Variants in MAGI2 observed in about 807,000 individuals in gnomAD.
MAGI2 encodes the protein membrane-associated guanylate kinase, WW and PDZ domain-containing protein 2.
A neutral mutation model predicts 133.3 loss-of-function variants in MAGI2; 35 were observed. That is an observed-to-expected ratio of 0.26 (90% CI 0.20 to 0.35). The LOEUF is 0.35. Ranked by LOEUF, MAGI2 falls within the 10% of genes least tolerant of loss-of-function variation. The pLI is 1.00. For synonymous variants in MAGI2, 729 were observed against 710.6 expected (o/e 1.03, Z -0.41); for missense variants, 1,636 against 1,863.4 (o/e 0.88, Z 2.25).
intron 16 of MAGI2, among the ~76,000 whole-genome samples, chr7:78,145,786 C>T (rs1823253398): frequency 6.6e-6 from 1 of 152,178 alleles, no homozygotes; most frequent in South Asian, 2.1e-4. Context: ...AAGATGGCTA[C>T]CTCCTTGCTG....
intron 1 of MAGI2, among the ~76,000 whole-genome samples, chr7:79,376,527 C>G (rs765094397): frequency 2.6e-5 from 4 of 151,798 alleles, no homozygotes; most frequent in Non-Finnish European, 4.4e-5. Flanking sequence ...CCTAGATCAT[C>G]AAGCCATGAA....
chr7:79,047,335 G>C (rs552298113), intron 1 of MAGI2, among the ~76,000 whole-genome samples: 6 of 151,970 alleles, frequency 3.9e-5, no homozygotes, highest in African/African-American at 1.4e-4. Flanking sequence ...TATTAAATTA[G>C]AAAAATCAAA....
intron 2 of MAGI2, among the ~76,000 whole-genome samples, chr7:78,944,289 G>C (rs1225001718): frequency 6.6e-6 from 1 of 152,100 alleles, no homozygotes; most frequent in Non-Finnish European, 1.5e-5. Context: ...TGTGACATAA[G>C]TTCCATGATT....
At chr7:79,231,092 CA>C (rs1448038395) in intron 1 of MAGI2, among the ~76,000 whole-genome samples, 1 of 133,218 alleles carries the variant, frequency 7.5e-6, no homozygotes, top group African/African-American at 2.7e-5. Context: ...TGTCAAAGAT[CA>C]GATAGTTGTA....
chr7:79,022,733 T>G (rs1007851073), intron 1 of MAGI2, among the ~76,000 whole-genome samples: 2 of 149,992 alleles, frequency 1.3e-5, no homozygotes, highest in Non-Finnish European at 3.0e-5. Flanking sequence ...AGAGAAATAC[T>G]TCTATGCAAA....
chr7:78,485,293 G>A (rs939211391), intron 6 of MAGI2: 12 of 151,950 alleles, frequency 7.9e-5, no homozygotes, highest in African/African-American at 1.7e-4. Context: ...GTAGTAGGTG[G>A]AGACATTTTT....
intron 4 of MAGI2, among the ~76,000 whole-genome samples, chr7:78,516,102 G>A (rs967582168): frequency 6.6e-6 from 1 of 152,098 alleles, no homozygotes; most frequent in Admixed American, 6.5e-5. Flanking sequence ...CAGGAAATAA[G>A]AAAAATTTTT....
In MAGI2 at chr7:78,209,102, G is replaced by A. The variant is rs572111957; in HGVS notation, c.2048-7909C>T. Among the ~76,000 whole-genome samples the A allele has an allele frequency of 6.4e-5, 8 of 125,096 alleles. No homozygotes were observed. The South Asian group carries it at 1.2e-3, about 19-fold the overall frequency. 82.1% of individuals were successfully genotyped at this position (125,096 alleles called of 152,430 possible). A position where few individuals can be genotyped will look rare whatever the true frequency, so the allele number is the denominator to read the frequency against. On this transcript the variant is annotated intron_variant, in intron 10 of 21. Coordinates refer to ENST00000354212, the MANE Select transcript of MAGI2 (RefSeq NM_012301.4). ...CCGGGCGTGGTGGCGGGCGCCTGTA[G>A]TCCCAGCTACTTGGGAGGCTGAGGC... is the stretch of plus-strand genomic sequence containing the variant.
chr7:79,313,890 C>T (rs1347416957), intron 1 of MAGI2, among the ~76,000 whole-genome samples: 6 of 151,574 alleles, frequency 4.0e-5, no homozygotes, highest in Non-Finnish European at 8.8e-5. Flanking sequence ...GCAATCTCCA[C>T]CTCCTGGGTT....
intron 1 of MAGI2, among the ~76,000 whole-genome samples, chr7:79,071,296 T>A (rs1814936603): frequency 6.6e-6 from 1 of 152,186 alleles, no homozygotes; most frequent in African/African-American, 2.4e-5. Flanking sequence ...CAGCAAAGAT[T>A]GCTGGATGTT....
Position 78,279,721 on chromosome 7 carries a change from T to G in MAGI2, c.1409-23140A>C, listed in dbSNP as rs554651516. 1.8e-3 allele frequency among the ~76,000 whole-genome samples: 268 copies of G among 151,740 alleles called. 2 individuals carry two copies. Among genetic ancestry groups the G allele is most frequent in the Non-Finnish European group, 1.4e-3 (97 of 67,996 alleles). ...ATACATGTCTGTGCATGTGTGTGTG[T>G]GGTGTGTGTTGGTCCATCCAGAGTG... On this transcript the variant is annotated intron_variant, in intron 9 of 21. Coordinates refer to ENST00000354212, the MANE Select transcript of MAGI2 (RefSeq NM_012301.4).
At chr7:78,573,284 T>TTA (rs1332121524) in intron 3 of MAGI2, among the ~76,000 whole-genome samples, 10 of 26,864 alleles carry the variant, frequency 3.7e-4, no homozygotes, top group African/African-American at 1.1e-3. Flanking sequence ...ATATATATAT[T>TTA]TATATAAATA....
At chr7:78,799,100 ACAGGTCAT>A (rs1485500421) in intron 2 of MAGI2, among the ~76,000 whole-genome samples, 2 of 152,168 alleles carry the variant, frequency 1.3e-5, no homozygotes, top group Non-Finnish European at 2.9e-5. Flanking sequence ...TTTGGTCAGG[ACAGGTCAT>A]CATCTGTCTT....
intron 20 of MAGI2, among the ~76,000 whole-genome samples, chr7:78,113,103 A>G (rs111486919): frequency 0.11 from 17,374 of 151,732 alleles, 1,250 homozygotes; most frequent in South Asian, 0.19. Flanking sequence ...AGAGCAAGGG[A>G]TGGAGGAGCT....
At chr7:78,751,133 T>C (rs1447923079) in intron 2 of MAGI2, among the ~76,000 whole-genome samples, 1 of 152,186 alleles carries the variant, frequency 6.6e-6, no homozygotes, top group Non-Finnish European at 1.5e-5. Flanking sequence ...TTCCCTGATA[T>C]ATAATGGCTA....
chr7:79,124,988 G>A, intron 1 of MAGI2: 1 of 270,392 alleles, frequency 3.7e-6, no homozygotes, highest in Non-Finnish European at 7.3e-6. Flanking sequence ...AGTTGTGGAA[G>A]CAAAGAGGGC....
chr7:79,207,247 A>G (rs1186086108), intron 1 of MAGI2, among the ~76,000 whole-genome samples: 1 of 151,970 alleles, frequency 6.6e-6, no homozygotes, highest in South Asian at 2.1e-4. Flanking sequence ...ATTACATAAA[A>G]GTGATCCAAA....
At chr7:78,411,121 G>T (rs541852704) in intron 6 of MAGI2, among the ~76,000 whole-genome samples, 273 of 152,110 alleles carry the variant, frequency 1.8e-3, no homozygotes, top group Non-Finnish European at 3.3e-3. Context: ...ACTCACAGGA[G>T]ACTGAATTTG....
intron 3 of MAGI2, among the ~76,000 whole-genome samples, chr7:78,581,683 A>G (rs1802854006): frequency 6.6e-6 from 1 of 152,212 alleles, no homozygotes; most frequent in African/African-American, 2.4e-5. Context: ...GTAATAAAAG[A>G]CAGATTAAGA....
Sources: gnomAD v4.1 joint callset for allele counts (sites outside exome capture counted in the v4.1 genomes callset) on GRCh38, gnomAD v4.1.1 for gene constraint, MANE v1.5 for transcripts, NCBI Gene and HGNC (gene_info 2026-07-23, HGNC 2026-07-21) for gene names.